The following HSD11B1 variants were observed in gnomAD, a reference collection of about 807,000 sequenced individuals.
The protein encoded by HSD11B1 is hydroxysteroid 11-beta dehydrogenase 1.
HSD11B1 carries 15 observed loss-of-function variants against 22.1 expected under a neutral mutation model. The observed-to-expected ratio is 0.68, with a 90% CI of 0.45 to 1.04. HSD11B1 has a LOEUF of 1.04. Among genes scored for constraint, HSD11B1 ranks in the 50% least tolerant of loss-of-function variants. HSD11B1 has a pLI of 0.00. For synonymous variants in HSD11B1, 122 were observed against 125.2 expected, an observed-to-expected ratio of 0.97 and a Z score of 0.17; for missense variants, 281 against 357.6, an observed-to-expected ratio of 0.79 and a Z score of 1.73.
chr1:209,723,665 C>T (rs1558197717), intron 4 of HSD11B1, among the ~76,000 whole-genome samples: 1 of 152,190 alleles, frequency 6.6e-6, no homozygotes, highest in East Asian at 1.9e-4. Flanking sequence ...CTGGAACCTG[C>T]TGTTGGTAGG....
chr1:209,719,642 G>A (rs1278475507), intron 4 of HSD11B1, among the ~76,000 whole-genome samples: 1 of 152,180 alleles, frequency 6.6e-6, no homozygotes, highest in Admixed American at 6.5e-5. Context: ...CCACTTATGA[G>A]TGAGAACGCG....
chr1:209,726,288 A>G (rs2077001061), intron 4 of HSD11B1, among the ~76,000 whole-genome samples: 1 of 151,244 alleles, frequency 6.6e-6, no homozygotes, highest in South Asian at 2.1e-4. Flanking sequence ...AAAAAAAAAA[A>G]AAAAAAAAAA....
At chr1:209,693,628 T>C (rs772583303) in intron 1 of HSD11B1, among the ~76,000 whole-genome samples, 36 of 152,388 alleles carry the variant, frequency 2.4e-4, no homozygotes, top group Admixed American at 3.9e-4. Flanking sequence ...TCCAGTGATC[T>C]TGTTTTTAGA....
intron 4 of HSD11B1, among the ~76,000 whole-genome samples, chr1:209,711,668 A>G (rs1169980677): frequency 6.6e-6 from 1 of 152,196 alleles, no homozygotes; most frequent in Non-Finnish European, 1.5e-5. Flanking sequence ...AAGAATGCCA[A>G]GAAGGAGATC....
chr1:209,710,805 T>C (rs2076890241), intron 4 of HSD11B1, among the ~76,000 whole-genome samples: 1 of 152,262 alleles, frequency 6.6e-6, no homozygotes, highest in Non-Finnish European at 1.5e-5. Context: ...AGACTTCTCT[T>C]GAGAAGCTCC....
chr1:209,689,250 C>T (rs1346937329), intron 1 of HSD11B1, among the ~76,000 whole-genome samples: 1 of 152,148 alleles, frequency 6.6e-6, no homozygotes, highest in East Asian at 1.9e-4. Context: ...CCTACCCCAG[C>T]TTACACTAAG....
intron 1 of HSD11B1, among the ~76,000 whole-genome samples, chr1:209,696,220 T>C (rs2076790955): frequency 1.3e-5 from 2 of 152,200 alleles, no homozygotes; most frequent in East Asian, 1.9e-4. Flanking sequence ...TGACTGTAAA[T>C]GGGCACAAGA....
At chr1:209,731,375 C>G (rs752549938) in intron 4 of HSD11B1, among the ~76,000 whole-genome samples, 70 of 152,086 alleles carry the variant, frequency 4.6e-4, no homozygotes, top group Non-Finnish European at 8.1e-4. Context: ...ATGTATCATT[C>G]ACGATATCCA....
intron 1 of HSD11B1, among the ~76,000 whole-genome samples, chr1:209,705,309 T>C (rs2076850394): frequency 7.4e-6 from 1 of 134,916 alleles, no homozygotes; most frequent in Admixed American, 8.3e-5. Context: ...AAAATGAGAG[T>C]AATACCCAAA....
At chr1:209,698,990 C>A (rs146829120) in intron 1 of HSD11B1, among the ~76,000 whole-genome samples, 27 of 152,274 alleles carry the variant, frequency 1.8e-4, no homozygotes, top group Non-Finnish European at 2.9e-4. Flanking sequence ...TTCATTCTCC[C>A]AGATCCACGA....
At chr1:209,718,701 G>A (rs11487866) in intron 4 of HSD11B1, among the ~76,000 whole-genome samples, 29,720 of 152,032 alleles carry the variant, frequency 0.2, 2,958 homozygotes, top group East Asian at 0.22. Flanking sequence ...GAATTATCAT[G>A]TGATCCAGCC....
Position 209,734,736 on chromosome 1 carries a change from A to C in HSD11B1, c.*215A>C. On this transcript the variant is annotated 3_prime_UTR_variant, in exon 6 of 6. Coordinates refer to ENST00000367027, the MANE Select transcript of HSD11B1 (RefSeq NM_005525.4). ...TGCACCGCTGCAGCCAGCAGTTGTA[A>C]AATTGTTAGTAAACATAGGTATAAT... The C allele has an allele frequency of 2.1e-6, 1 of 484,966 alleles. No individual in the cohort carries two copies. The allele number at this position is 484,966 out of a possible 1,614,324, so 30.0% of individuals were successfully genotyped here. A position where few individuals can be genotyped will look rare whatever the true frequency, so the allele number is the denominator to read the frequency against.
intron 1 of HSD11B1, among the ~76,000 whole-genome samples, chr1:209,687,764 T>C (rs2076736828): frequency 6.6e-6 from 1 of 152,254 alleles, no homozygotes; most frequent in Middle Eastern, 3.4e-3. Context: ...AAATACAACA[T>C]TCAGTTAAAA....
At chr1:209,719,860 A>G (rs2076954914) in intron 4 of HSD11B1, among the ~76,000 whole-genome samples, 2 of 152,210 alleles carry the variant, frequency 1.3e-5, no homozygotes, top group Non-Finnish European at 2.9e-5. Context: ...CACAATAAAC[A>G]TATGTGTGCA....
intron 5 of HSD11B1, 21 bp from the exon 6 acceptor site, chr1:209,734,283 T>A: frequency 6.3e-7 from 1 of 1,593,810 alleles, no homozygotes; most frequent in Non-Finnish European, 8.6e-7. Context: ...ATAACCCTAC[T>A]CTTCCCTTGT....
chr1:209,700,898 C>T (rs147376744), upstream of HSD11B1, among the ~76,000 whole-genome samples: 129 of 152,336 alleles, frequency 8.5e-4, no homozygotes, highest in African/African-American at 3.0e-3. Context: ...CAACAGTTAC[C>T]TCTGCTCCAG....
At chr1:209,725,217 T>G (rs545884425) in intron 4 of HSD11B1, among the ~76,000 whole-genome samples, 4 of 152,220 alleles carry the variant, frequency 2.6e-5, no homozygotes, top group Non-Finnish European at 5.9e-5. Context: ...CAAATTAAAA[T>G]TCCATAATAC....
intron 1 of HSD11B1, among the ~76,000 whole-genome samples, chr1:209,692,729 G>A (rs989941418): frequency 6.6e-6 from 1 of 151,304 alleles, no homozygotes; most frequent in Non-Finnish European, 1.5e-5. Context: ...CTAAAGTTTG[G>A]CCAGAAAAAT....
At chr1:209,698,167 TTAGATAGA>T (rs3059689) in intron 1 of HSD11B1, among the ~76,000 whole-genome samples, 24,065 of 146,498 alleles carry the variant, frequency 0.16, 2,084 homozygotes, top group Admixed American at 0.2. Context: ...GATAGATAGA[TTAGATAGA>T]TAGATAGATA....
Sources: allele counts gnomAD v4.1 joint callset (sites outside exome capture counted in the v4.1 genomes callset), GRCh38; gene constraint gnomAD v4.1.1; transcripts MANE v1.5; gene names NCBI Gene and HGNC (gene_info 2026-07-23, HGNC 2026-07-21).